CLVS1: variants seen among roughly 807,000 people sequenced by gnomAD.
The protein encoded by CLVS1 is clavesin-1.
In CLVS1, 10 loss-of-function variants were observed where a neutral mutation model predicts 33.1. That is an observed-to-expected ratio of 0.30 (90% CI 0.19 to 0.51). CLVS1 has a LOEUF of 0.51. Ranked by LOEUF, CLVS1 falls within the 20% of genes least tolerant of loss-of-function variation. CLVS1 has a pLI of 0.97. For synonymous variants in CLVS1, 163 were observed against 166.1 expected (o/e 0.98, Z 0.14); for missense variants, 343 against 433.4 (o/e 0.79, Z 1.85).
At chr8:61,405,521 C>A (rs1280674742) in intron 3 of CLVS1, among the ~76,000 whole-genome samples, 1 of 152,122 alleles carries the variant, frequency 6.6e-6, no homozygotes, top group Non-Finnish European at 1.5e-5. Context: ...CACCTGTAAT[C>A]TCAGCACTTT....
chr8:61,237,978 G>C (rs1021270408), intron 2 of CLVS1, among the ~76,000 whole-genome samples: 1 of 152,150 alleles, frequency 6.6e-6, no homozygotes, highest in South Asian at 2.1e-4. Flanking sequence ...CATCCAAGCC[G>C]AGGCTGAATT....
intron 2 of CLVS1, among the ~76,000 whole-genome samples, chr8:61,308,475 C>G (rs1356050858): frequency 6.6e-6 from 1 of 152,104 alleles, no homozygotes; most frequent in Non-Finnish European, 1.5e-5. Context: ...CCATGAGTCA[C>G]GGTGGAGGGG....
intron 3 of CLVS1, among the ~76,000 whole-genome samples, chr8:61,415,846 A>C (rs1156843518): frequency 6.6e-6 from 1 of 152,220 alleles, no homozygotes; most frequent in East Asian, 1.9e-4. Context: ...GATAGGAAGA[A>C]AAATTTTATT....
chr8:60,979,750 G>A, the CLVS1 span, among the ~76,000 whole-genome samples: 1 of 152,156 alleles, frequency 6.6e-6, no homozygotes, highest in African/African-American at 2.4e-5. Flanking sequence ...AGTTGTAGCT[G>A]GGGTGGGAAG....
intron 5 of CLVS1, among the ~76,000 whole-genome samples, chr8:61,461,919 A>G (rs959913953): frequency 1.4e-5 from 2 of 138,604 alleles, no homozygotes; most frequent in Non-Finnish European, 3.3e-5. Flanking sequence ...TTATGATGGG[A>G]AAACGCCATG....
At chr8:61,281,438 A>G (rs77461239) in intron 2 of CLVS1, among the ~76,000 whole-genome samples, 2,011 of 152,300 alleles carry the variant, frequency 0.013, 45 homozygotes, top group African/African-American at 0.046. Flanking sequence ...AGAAAGAGAC[A>G]TTAGGAATGT....
intron 1 of CLVS1, among the ~76,000 whole-genome samples, chr8:61,070,714 C>T (rs1804779068): frequency 6.6e-6 from 1 of 152,204 alleles, no homozygotes; most frequent in African/African-American, 2.4e-5. Context: ...GTGGTGTACA[C>T]CTGTAGTCCC....
intron 3 of CLVS1, among the ~76,000 whole-genome samples, chr8:61,418,213 T>G (rs1283354018): frequency 6.6e-6 from 1 of 152,110 alleles, no homozygotes; most frequent in Non-Finnish European, 1.5e-5. Flanking sequence ...AATGTAAAAT[T>G]TATATTAGAG....
intron 2 of CLVS1, among the ~76,000 whole-genome samples, chr8:61,243,018 T>C (rs1808729703): frequency 6.6e-6 from 1 of 151,518 alleles, no homozygotes; most frequent in South Asian, 2.1e-4. Flanking sequence ...GCTTTTCTCA[T>C]GTGGAGAAAT....
intron 2 of CLVS1, among the ~76,000 whole-genome samples, chr8:61,329,166 C>A (rs192156202): frequency 6.6e-6 from 1 of 151,558 alleles, no homozygotes; most frequent in Admixed American, 6.6e-5. Flanking sequence ...ATAATAAAAA[C>A]CTTTAGAGAG....
chr8:61,373,382 C>A (rs932412410), intron 2 of CLVS1, among the ~76,000 whole-genome samples: 15 of 152,228 alleles, frequency 9.9e-5, no homozygotes, highest in Non-Finnish European at 1.3e-4. Flanking sequence ...TTTTACTTTT[C>A]TCCTGGGATC....
chr8:60,996,456 A>G, the CLVS1 span, among the ~76,000 whole-genome samples: 1 of 152,250 alleles, frequency 6.6e-6, no homozygotes, highest in Non-Finnish European at 1.5e-5. Flanking sequence ...CACAACAACA[A>G]GAGAATGAAG....
chr8:61,208,495 G>A (rs1038142798), intron 2 of CLVS1, among the ~76,000 whole-genome samples: 5 of 152,156 alleles, frequency 3.3e-5, no homozygotes, highest in Non-Finnish European at 7.3e-5. Context: ...AAAATATTTT[G>A]CAGTGTTTGA....
At chr8:61,069,113 C>T (rs1039415314) in intron 1 of CLVS1, among the ~76,000 whole-genome samples, 3 of 152,018 alleles carry the variant, frequency 2.0e-5, no homozygotes, top group Non-Finnish European at 4.4e-5. Flanking sequence ...ATTATAGGTG[C>T]GCACCATCAT....
At chr8:61,113,690 C>T (rs773915809) in intron 1 of CLVS1, among the ~76,000 whole-genome samples, 1 of 152,242 alleles carries the variant, frequency 6.6e-6, no homozygotes, top group Non-Finnish European at 1.5e-5. Flanking sequence ...GAAAGGATGG[C>T]TCTGCTTACG....
At chr8:61,092,413 C>A (rs754093442) in intron 1 of CLVS1, among the ~76,000 whole-genome samples, 5 of 152,200 alleles carry the variant, frequency 3.3e-5, no homozygotes, top group Non-Finnish European at 4.4e-5. Context: ...TTCATCATCT[C>A]CCGCTGCTGT....
At chr8:61,470,252 A>G (rs1331612686) in intron 5 of CLVS1, among the ~76,000 whole-genome samples, 2 of 152,190 alleles carry the variant, frequency 1.3e-5, no homozygotes, top group African/African-American at 4.8e-5. Flanking sequence ...TATATAATGA[A>G]TTTAGTTAAT....
At chr8:61,378,840 C>A (rs1363597380) in intron 3 of CLVS1, among the ~76,000 whole-genome samples, 3 of 152,148 alleles carry the variant, frequency 2.0e-5, no homozygotes, top group Non-Finnish European at 2.9e-5. Context: ...CACTGGCTCT[C>A]CTAGCAACTT....
intron 2 of CLVS1, among the ~76,000 whole-genome samples, chr8:61,207,979 A>G (rs1436670980): frequency 6.6e-6 from 1 of 152,212 alleles, no homozygotes; most frequent in East Asian, 1.9e-4. Flanking sequence ...CACCCTGATT[A>G]TTGCAGGTAG....
Sources: gnomAD v4.1 joint callset for allele counts (sites outside exome capture counted in the v4.1 genomes callset) on GRCh38, gnomAD v4.1.1 for gene constraint, MANE v1.5 for transcripts, NCBI Gene and HGNC (gene_info 2026-07-23, HGNC 2026-07-21) for gene names.